The following CDH15 variants were observed in gnomAD, a reference collection of about 807,000 sequenced individuals.
CDH15 encodes the protein cadherin 15, also known as cadherin-15.
Under a neutral mutation model 69.4 loss-of-function variants are expected in CDH15, and 73 were observed. The ratio of observed to expected loss-of-function variants is 1.05; its 90% CI spans 0.87 to 1.28. CDH15 has a LOEUF of 1.28. Among genes scored for constraint, CDH15 ranks in the 50% most tolerant of loss-of-function variants. CDH15 has a pLI of 0.00. For missense variants in CDH15, 1,343 were observed against 1,133.6 expected (o/e 1.18, Z -2.65); for synonymous variants, 624 against 507.7 (o/e 1.23, Z -3.08).
chr16:89,183,532 C>T lies in CDH15; in HGVS notation c.358-16C>T, dbSNP rs767633905. 3.1e-6 allele frequency: 5 copies of T among 1,614,040 alleles called. No individual in the cohort carries two copies. The highest frequency in any genetic ancestry group is 4.2e-6 in the Non-Finnish European group (5 of 1,180,020). ...TTGGGGGCCACAGAGCCAGCCCTTG[C>T]TCTATGTTTGAACAGCTAAGAGCGT... On this transcript the variant is annotated splice_polypyrimidine_tract_variant and intron_variant, in intron 3 of 13. Coordinates refer to ENST00000289746, the MANE Select transcript of CDH15 (RefSeq NM_004933.3).
At chr16:89,187,812 G>T (rs567413941) in intron 6 of CDH15, among the ~76,000 whole-genome samples, 1 of 152,204 alleles carries the variant, frequency 6.6e-6, no homozygotes, top group Non-Finnish European at 1.5e-5. Context: ...AGGCCCTCTC[G>T]CATTGCAGAG....
chr16:89,185,116 G>A, intron 4 of CDH15, 57 bp from the exon 5 acceptor site: 1 of 1,524,956 alleles, frequency 6.6e-7, no homozygotes, highest in Non-Finnish European at 8.9e-7. Context: ...CCCTCACAAT[G>A]CCCCCAGCCC....
chr16:89,183,377 C>T (rs546223007), intron 3 of CDH15, 171 bp from the exon 4 acceptor site: 14 of 708,230 alleles, frequency 2.0e-5, no homozygotes, highest in South Asian at 7.2e-5. Flanking sequence ...CGTTCAGGGA[C>T]GTCCTCAGTC....
chr16:89,185,629 G>A lies in CDH15; in HGVS notation c.663+296G>A, dbSNP rs554971536. 1.1e-4 allele frequency: 56 copies of A among 500,570 alleles called. No homozygotes were observed. The East Asian group carries it at 1.4e-3, about 13-fold the overall frequency. 31.0% of individuals were successfully genotyped at this position (500,570 alleles called of 1,614,324 possible). On this transcript the variant is annotated intron_variant, in intron 5 of 13. Coordinates refer to ENST00000289746, the MANE Select transcript of CDH15 (RefSeq NM_004933.3). The stretch of plus-strand genomic sequence containing the variant: ...CTCAGCCTCATGGCAACGGCTCCCC[G>A]CTGGTAAGTAACTAACTCCTTCTGT...
rs1223676842 is a variant in CDH15, at chr16:89,171,831, G to A, written c.-1G>A. On this transcript the variant is annotated 5_prime_UTR_variant, in exon 1 of 14. Transcript: ENST00000289746. ...CCGGCCCGGCTCCCGCCTCGGCCCC[G>A]ATGGACGCCGCGTTCCTCCTCGTCC... The A allele has an allele frequency of 3.2e-6, 5 of 1,557,842 alleles. No homozygotes were observed. The highest frequency in any genetic ancestry group is 2.4e-5 in the East Asian group (1 of 41,616).
At position 89,190,238 on chromosome 16, in the gene CDH15, C is replaced by T. The variant is rs563019019; in HGVS notation, c.979-5C>T. ...CGGATGACGGGCTGTGCTTCCTTCC[C>T]TCAGGCCCTGGACTATGAGAGCTGT... On this transcript the variant is annotated splice_polypyrimidine_tract_variant and splice_region_variant and intron_variant, in intron 7 of 13. Coordinates refer to ENST00000289746, the MANE Select transcript of CDH15 (RefSeq NM_004933.3). The T allele has an allele frequency of 2.4e-5, 38 of 1,611,880 alleles. No homozygotes were observed. In the South Asian group the frequency reaches 3.2e-4, roughly 14 times the overall value.
In CDH15 at chr16:89,192,716, G is replaced by T. The variant is rs377205555; in HGVS notation, c.1855+272G>T. Among the ~76,000 whole-genome samples the T allele has an allele frequency of 8.0e-3, 86 of 10,750 alleles. No individual in the cohort carries two copies. In the East Asian group the frequency reaches 0.16, roughly 20 times the overall value. The allele number at this position is 10,750 out of a possible 152,430, so 7.1% of individuals were successfully genotyped here. A position where few individuals can be genotyped will look rare whatever the true frequency, so the allele number is the denominator to read the frequency against. ...GCCACGCCGCTTCCTCCCCAGCTCCGCCTCCTCCCTAACCCCGCCCCCTCA... is the reference window on the plus strand; with the variant it reads ...GCCACGCCGCTTCCTCCCCAGCTCCTCCTCCTCCCTAACCCCGCCCCCTCA... On this transcript the variant is annotated intron_variant, in intron 11 of 13. Coordinates refer to ENST00000289746, the MANE Select transcript of CDH15 (RefSeq NM_004933.3).
intron 1 of CDH15, among the ~76,000 whole-genome samples, chr16:89,172,614 C>G (rs1169468870): frequency 1.3e-5 from 2 of 152,160 alleles, no homozygotes; most frequent in Non-Finnish European, 2.9e-5. Flanking sequence ...GTCTCTCCAA[C>G]GTGGGAGCAA....
chr16:89,180,791 T>C (rs1465346099), intron 3 of CDH15, among the ~76,000 whole-genome samples: 2 of 152,036 alleles, frequency 1.3e-5, no homozygotes, highest in African/African-American at 4.8e-5. Context: ...TGGCGGGATC[T>C]CGGCTCACTG....
At chr16:89,183,041 G>A (rs755724647) in intron 3 of CDH15, 93 of 154,820 alleles carry the variant, frequency 6.0e-4, no homozygotes, top group Non-Finnish European at 1.1e-3. Context: ...AATTCGCTGG[G>A]CGTGGTGACG....
intron 6 of CDH15, 25 bp from the exon 7 acceptor site, chr16:89,188,073 TAA>T: frequency 1.9e-6 from 3 of 1,589,548 alleles, no homozygotes; most frequent in African/African-American, 1.3e-5. Flanking sequence ...GCCCTGCTGG[TAA>T]CTGGGGCTGG....
chr16:89,192,094 G>C, intron 10 of CDH15, 111 bp from the exon 11 acceptor site: 1 of 1,375,988 alleles, frequency 7.3e-7, no homozygotes, highest in Non-Finnish European at 9.7e-7. Context: ...TGGGGGTGGG[G>C]GGGACCCAGG....
intron 9 of CDH15, 47 bp from the exon 10 acceptor site, chr16:89,191,608 C>T: frequency 1.3e-6 from 2 of 1,569,214 alleles, no homozygotes; most frequent in Non-Finnish European, 8.6e-7. Flanking sequence ...ACTGGTGGGG[C>T]AGGCTGGGGT....
intron 7 of CDH15, 53 bp from the exon 8 acceptor site, chr16:89,190,190 C>A: frequency 3.8e-6 from 6 of 1,594,668 alleles, no homozygotes; most frequent in Non-Finnish European, 5.1e-6. Context: ...CACCTGCCCT[C>A]GGGTGCCCAC....
At position 89,181,594 on chromosome 16, in the gene CDH15, G is replaced by A. The variant is rs186502370; in HGVS notation, c.357+1239G>A. Among the ~76,000 whole-genome samples the A allele has an allele frequency of 4.6e-3, 696 of 152,074 alleles. 7 individuals are homozygous for A. Among genetic ancestry groups the A allele is most frequent in the African/African-American group, 0.016 (646 of 41,470 alleles). On this transcript the variant is annotated intron_variant, in intron 3 of 13. Coordinates refer to ENST00000289746, the MANE Select transcript of CDH15 (RefSeq NM_004933.3). ...CGACACTGCCGTGCGCCGTGATTGC[G>A]CCGCTGCGCTCCAGCCTAGGTGACA...
In CDH15 at chr16:89,194,870, G is replaced by T; in HGVS notation, c.2160G>T (p.Glu720Asp). 4.4e-6 allele frequency: 7 copies of T among 1,604,344 alleles called. No homozygotes were observed. The highest frequency in any genetic ancestry group is 6.0e-6 in the Non-Finnish European group (7 of 1,175,352). The change falls in exon 14 of 14, where the codon GAG (glutamate) becomes GAT (aspartate). Residue 720 changes from glutamate to aspartate, a missense_variant. Transcript: ENST00000289746. ...DIADFINDGL[E>D]AADSDPSVPP... Reference sequence around the variant, plus strand: ...TCCGGGCCTCTTTATAGGGCTTGGAGGCTGCAGATAGTGACCCCAGTGTGC... The same window carrying T: ...TCCGGGCCTCTTTATAGGGCTTGGATGCTGCAGATAGTGACCCCAGTGTGC...
chr16:89,175,567 G>A (rs1373476551), intron 1 of CDH15, among the ~76,000 whole-genome samples: 2 of 152,342 alleles, frequency 1.3e-5, no homozygotes, highest in Non-Finnish European at 2.9e-5. Context: ...GACCAAAGGG[G>A]AGGGGGAGAG....
rs758438894 is a variant in CDH15 at position 89,193,870 on chromosome 16, T to C, written c.2108T>C (p.Val703Ala). ...QGRLHPQPPRVLPTSPLDIAD... is the reference protein window; with the variant it reads ...QGRLHPQPPRALPTSPLDIAD... ...CGCCTGCACCCCCAGCCACCCCGAG[T>C]GCTGCCCACCAGCCCCCTGGACATC... Residue 703 changes from valine (V) to alanine (A), a missense_variant, in exon 13 of 14, where the codon GTG becomes GCG. Physicochemically the swap from Val to Ala is moderately conservative, Grantham distance 64. Coordinates refer to ENST00000289746, the MANE Select transcript of CDH15 (RefSeq NM_004933.3). 1.2e-6 allele frequency: 2 copies of C among 1,611,802 alleles called. No homozygotes were observed. Among genetic ancestry groups the C allele is most frequent in the South Asian group, 1.1e-5 (1 of 91,054 alleles).
rs1567777012 is a variant in CDH15 at position 89,192,379 on chromosome 16, C to T, written c.1790C>T (p.Ala597Val). 2 of 1,536,826 alleles carry T rather than the reference C, an allele frequency of 1.3e-6. No individual in the cohort carries two copies. Among genetic ancestry groups the T allele is most frequent in the East Asian group, 2.4e-5 (1 of 41,040 alleles). ...VCLPGAAALL[A>V]GGTGLSLGAL... ...CTGCCGGGGGCCGCAGCGCTGCTGG[C>T]GGGGGGCACAGGCCTCAGCCTGGGC... The change falls in exon 11 of 14, where the codon GCG becomes GTG. Residue 597 changes from alanine (A) to valine (V), a missense_variant. Physicochemically the swap from Ala to Val is moderately conservative, Grantham distance 64 (BLOSUM62 0). Transcript: ENST00000289746.
Sources: allele counts gnomAD v4.1 joint callset (sites outside exome capture counted in the v4.1 genomes callset), GRCh38; gene constraint gnomAD v4.1.1; transcripts MANE v1.5; gene names NCBI Gene and HGNC (gene_info 2026-07-23, HGNC 2026-07-21).